The following HTR2A variants were observed in gnomAD, a reference collection of about 807,000 sequenced individuals.
The protein encoded by HTR2A is 5-hydroxytryptamine receptor 2A.
Under a neutral mutation model 31.0 loss-of-function variants are expected in HTR2A, and 14 were observed. The ratio of observed to expected loss-of-function variants is 0.45; its 90% confidence interval spans 0.30 to 0.71. HTR2A has a LOEUF of 0.71. Ranked by LOEUF, HTR2A falls within the 30% of genes least tolerant of loss-of-function variation. The probability of loss-of-function intolerance (pLI) is 0.09; values close to 1 mark genes in which losing one functional copy is unlikely to be tolerated. For synonymous variants in HTR2A, 209 were observed against 225.2 expected, an observed-to-expected ratio of 0.93 and a Z score of 0.64; for missense variants, 442 against 573.3, an observed-to-expected ratio of 0.77 and a Z score of 2.34.
intron 3 of HTR2A, among the ~76,000 whole-genome samples, chr13:46,841,651 C>CCCCCAT (rs1950598151): frequency 1.3e-5 from 2 of 152,122 alleles, no homozygotes; most frequent in Non-Finnish European, 2.9e-5. Flanking sequence ...GGCCTAATTG[C>CCCCCAT]CCCCATCATA....
chr13:46,873,432 TA>T (rs1950880386), intron 3 of HTR2A, among the ~76,000 whole-genome samples: 1 of 57,272 alleles, frequency 1.7e-5, no homozygotes, highest in African/African-American at 4.8e-5. Context: ...TAAAATTTAT[TA>T]TTATTATTAT....
At chr13:46,850,517 G>T (rs535557989) in intron 3 of HTR2A, among the ~76,000 whole-genome samples, 66 of 152,308 alleles carry the variant, frequency 4.3e-4, no homozygotes, top group African/African-American at 1.6e-3. Context: ...ATGCTCTGTA[G>T]CCTCAGCACA....
intron 3 of HTR2A, among the ~76,000 whole-genome samples, chr13:46,839,204 T>G (rs1349462876): frequency 6.6e-6 from 1 of 152,190 alleles, no homozygotes; most frequent in African/African-American, 2.4e-5. Flanking sequence ...GTTATTTAAA[T>G]GGCCTATTCA....
chr13:46,853,528 G>A (rs1342662892), intron 3 of HTR2A, among the ~76,000 whole-genome samples: 2 of 152,142 alleles, frequency 1.3e-5, no homozygotes, highest in Non-Finnish European at 2.9e-5. Context: ...TGCATTCCAG[G>A]TGAGGCCAAG....
intron 3 of HTR2A, among the ~76,000 whole-genome samples, chr13:46,866,693 T>A (rs7981633): frequency 6.6e-6 from 1 of 152,162 alleles, no homozygotes; most frequent in Non-Finnish European, 1.5e-5. Flanking sequence ...CAAGAGGAAC[T>A]GAAAATAAAC....
At chr13:46,873,693 G>C (rs894097505) in intron 3 of HTR2A, among the ~76,000 whole-genome samples, 2 of 151,878 alleles carry the variant, frequency 1.3e-5, no homozygotes. Flanking sequence ...GAGAATATGC[G>C]GTGTTTGGTT....
At chr13:46,884,763 G>A (rs1315342866) in intron 3 of HTR2A, among the ~76,000 whole-genome samples, 1 of 152,126 alleles carries the variant, frequency 6.6e-6, no homozygotes, top group African/African-American at 2.4e-5. Flanking sequence ...TAATCATCTT[G>A]ATAAGTGTGA....
At position 46,848,513 on chromosome 13, in the gene HTR2A, G is replaced by A. The variant is rs535098368; in HGVS notation, c.614-12874C>T. Among the ~76,000 whole-genome samples, 18 of 152,326 alleles carry A rather than the reference G, an allele frequency of 1.2e-4. No homozygotes were observed. In the South Asian group the frequency reaches 3.3e-3, roughly 28 times the overall value. ...AGTGGGGGAAAACCCCACATTTACAGGTGTCCACAATGCAACAGACACTAT... is the reference window on the plus strand; with the variant it reads ...AGTGGGGGAAAACCCCACATTTACAAGTGTCCACAATGCAACAGACACTAT... On this transcript the variant is annotated intron_variant, in intron 3 of 3. Transcript: ENST00000542664.
intron 3 of HTR2A, among the ~76,000 whole-genome samples, chr13:46,843,215 T>G (rs1454089789): frequency 1.3e-5 from 2 of 152,212 alleles, no homozygotes; most frequent in Non-Finnish European, 2.9e-5. Flanking sequence ...GGCATATTGT[T>G]ATAATTGTTC....
At chr13:46,844,248 G>A (rs9534493) in intron 3 of HTR2A, among the ~76,000 whole-genome samples, 16,917 of 152,182 alleles carry the variant, frequency 0.11, 1,090 homozygotes, top group Non-Finnish European at 0.15. Context: ...AAATGCTTGT[G>A]GGATTGATGG....
At chr13:46,877,779 T>C (rs2138235911) in intron 3 of HTR2A, among the ~76,000 whole-genome samples, 1 of 152,158 alleles carries the variant, frequency 6.6e-6, no homozygotes, top group South Asian at 2.1e-4. Flanking sequence ...GTACCTCATT[T>C]ATAGAGGGAA....
At chr13:46,865,811 C>G (rs1197545331) in intron 3 of HTR2A, among the ~76,000 whole-genome samples, 1 of 152,214 alleles carries the variant, frequency 6.6e-6, no homozygotes, top group Non-Finnish European at 1.5e-5. Context: ...TTAAATATTA[C>G]AAGGCTTGCG....
Position 46,897,016 on chromosome 13 carries a change from AG to A in HTR2A, c.-672del. On this transcript the variant is annotated 5_prime_UTR_variant, in exon 1 of 4. Transcript: ENST00000542664. The stretch of plus-strand genomic sequence containing the variant: ...AAAGTAGGAAGAGCTGTCTGCACCA[AG>A]GGACTCCTGGTTTCCACGGGAATGG... 1 of 583,890 alleles carries A rather than the reference AG, an allele frequency of 1.7e-6. No homozygotes were observed. Among genetic ancestry groups the A allele is most frequent in the Non-Finnish European group, 3.0e-6 (1 of 334,856 alleles). The allele number at this position is 583,890 out of a possible 1,614,324, so 36.2% of individuals were successfully genotyped here.
intron 3 of HTR2A, among the ~76,000 whole-genome samples, chr13:46,875,197 A>G (rs1269922144): frequency 1.3e-5 from 2 of 152,238 alleles, no homozygotes; most frequent in South Asian, 4.1e-4. Flanking sequence ...AATATAGCCT[A>G]CAAATGTAGT....
chr13:46,885,842 T>G (rs2138246792), intron 3 of HTR2A, among the ~76,000 whole-genome samples: 1 of 152,374 alleles, frequency 6.6e-6, no homozygotes, highest in Admixed American at 6.5e-5. Context: ...AGGCTAAACA[T>G]GTTAAATAAG....
intron 3 of HTR2A, among the ~76,000 whole-genome samples, chr13:46,858,302 T>A (rs1306461140): frequency 2.0e-5 from 3 of 151,932 alleles, no homozygotes; most frequent in Non-Finnish European, 2.9e-5. Flanking sequence ...CTCAGGCAGC[T>A]CTCAGGGCAA....
rs751219044 is a variant in HTR2A, at chr13:46,895,603, C to T, written c.304G>A (p.Glu102Lys). 6.2e-7 allele frequency: 1 copy of T among 1,614,190 alleles called. No homozygotes were observed. The highest frequency in any genetic ancestry group is 8.5e-7 in the Non-Finnish European group (1 of 1,180,030). ...NILVIMAVSLEKKLQNATNYF... is the reference protein window; with the variant it reads ...NILVIMAVSLKKKLQNATNYF... ...TTGGTGGCATTCTGCAGCTTTTTCT[C>T]TAGGGACACTGCCATGATGACGAGT... is the stretch of plus-strand genomic sequence containing the variant. Residue 102 changes from glutamate (E) to lysine (K), a missense_variant, in exon 2 of 4, where the codon GAG becomes AAG. Glu to Lys is a moderately conservative substitution (Grantham distance 56, BLOSUM62 1). This residue lies in a region of HTR2A where 86 missense variants were observed against 179.1 expected (regional missense o/e 0.48). Transcript: ENST00000542664. This position sits in a 1 kb window ranked among gnomAD's most constrained non-coding sequence, Gnocchi z 4.4.
intron 3 of HTR2A, among the ~76,000 whole-genome samples, chr13:46,864,957 T>C (rs2760347): frequency 0.83 from 126,456 of 152,082 alleles, 53,710 homozygotes; most frequent in East Asian, 0.97. Flanking sequence ...TTTTTTTAGG[T>C]TGGAAGATGA....
chr13:46,895,412 C>A lies in HTR2A; in HGVS notation c.412+83G>T. 1 of 1,291,770 alleles carries A rather than the reference C, an allele frequency of 7.7e-7. No individual in the cohort carries two copies. Among genetic ancestry groups the A allele is most frequent in the Admixed American group, 2.2e-5 (1 of 44,928 alleles). 80.0% of individuals were successfully genotyped at this position (1,291,770 alleles called of 1,614,324 possible). A position where few individuals can be genotyped will look rare whatever the true frequency, so the allele number is the denominator to read the frequency against. ...CTTCTATTTATAGTTTGTTTGCCCCCTGAGCCCCATCTCATCTGCTGGTGG... is the reference window on the plus strand; with the variant it reads ...CTTCTATTTATAGTTTGTTTGCCCCATGAGCCCCATCTCATCTGCTGGTGG... On this transcript the variant is annotated intron_variant, in intron 2 of 3. Coordinates refer to ENST00000542664, the MANE Select transcript of HTR2A (RefSeq NM_000621.5). The surrounding 1 kb of genome is among the most constrained non-coding windows in gnomAD (Gnocchi z 4.4).
Sources: allele counts gnomAD v4.1 joint callset (sites outside exome capture counted in the v4.1 genomes callset), GRCh38; gene constraint gnomAD v4.1.1; regional missense constraint gnomAD v4.1.1; non-coding constraint Gnocchi (gnomAD v3.1); transcripts MANE v1.5; gene names NCBI Gene and HGNC (gene_info 2026-07-23, HGNC 2026-07-21).